Variants in ZNF566 observed in about 807,000 individuals in gnomAD.
ZNF566 encodes zinc finger protein 566.
Under a neutral mutation model 32.8 loss-of-function variants are expected in ZNF566, and 27 were observed. The ratio of observed to expected loss-of-function variants is 0.82; its 90% CI spans 0.61 to 1.14. The LOEUF (loss-of-function observed/expected upper bound fraction) is 1.14. Ranked by LOEUF, ZNF566 falls within the 50% of genes most tolerant of loss-of-function variation. ZNF566 has a pLI of 0.00. For missense variants in ZNF566, 402 were observed against 490.4 expected, an observed-to-expected ratio of 0.82 and a Z score of 1.70; for synonymous variants, 154 against 159.5, an observed-to-expected ratio of 0.97 and a Z score of 0.26.
In ZNF566 at chr19:36,482,073, A is replaced by G. The variant is rs919403465; in HGVS notation, c.-59-5457T>C. ...GAAACGAATGAAGTTGAATATATACAAGGAGTCTGTGGGAACTAAGTTAAT... is the reference window on the plus strand; with the variant it reads ...GAAACGAATGAAGTTGAATATATACGAGGAGTCTGTGGGAACTAAGTTAAT... On this transcript the variant is annotated intron_variant, in intron 1 of 4. Transcript: ENST00000452939. Among the ~76,000 whole-genome samples, 13 of 152,334 alleles carry G rather than the reference A, an allele frequency of 8.5e-5. No homozygotes were observed. The South Asian group carries it at 2.5e-3, about 29-fold the overall frequency.
chr19:36,486,585 TGCTTGA>T (rs1335799831), intron 1 of ZNF566, among the ~76,000 whole-genome samples: 2 of 148,092 alleles, frequency 1.4e-5, no homozygotes, highest in Non-Finnish European at 3.0e-5. Flanking sequence ...GCAGGAGGAT[TGCTTGA>T]ACCTGGGAGG....
chr19:36,451,865 G>C (rs1261607530), intron 4 of ZNF566, among the ~76,000 whole-genome samples: 1 of 152,096 alleles, frequency 6.6e-6, no homozygotes, highest in Non-Finnish European at 1.5e-5. Flanking sequence ...AATTAGCCGG[G>C]TGTGGTAGCA....
chr19:36,458,265 A>G (rs1383036421), intron 4 of ZNF566, among the ~76,000 whole-genome samples: 3 of 152,326 alleles, frequency 2.0e-5, no homozygotes, highest in African/African-American at 7.2e-5. Context: ...ACACATATAC[A>G]CACACATAAT....
intron 4 of ZNF566, among the ~76,000 whole-genome samples, chr19:36,453,528 A>T (rs1313419120): frequency 4.0e-5 from 6 of 150,658 alleles, no homozygotes; most frequent in Admixed American, 1.3e-4. Flanking sequence ...AAAATAAAAT[A>T]AAAATAAAAA....
intron 1 of ZNF566, among the ~76,000 whole-genome samples, chr19:36,478,511 T>A (rs1425468966): frequency 2.0e-5 from 3 of 152,046 alleles, no homozygotes; most frequent in African/African-American, 7.2e-5. Flanking sequence ...CCATGCTTGT[T>A]GCATTCTCAA....
intron 4 of ZNF566, among the ~76,000 whole-genome samples, chr19:36,452,987 G>A (rs1171677830): frequency 2.6e-5 from 4 of 151,812 alleles, no homozygotes; most frequent in South Asian, 2.1e-4. Flanking sequence ...GTATGGTGGC[G>A]TGTGCCTGTA....
intron 3 of ZNF566, 115 bp downstream of exon 3, chr19:36,473,217 G>A: frequency 7.5e-7 from 1 of 1,334,294 alleles, no homozygotes; most frequent in Non-Finnish European, 1.1e-6. Flanking sequence ...GAACATTCCT[G>A]TGGAACAGGA....
At chr19:36,481,492 A>G (rs1007460014) in intron 1 of ZNF566, among the ~76,000 whole-genome samples, 1 of 86,282 alleles carries the variant, frequency 1.2e-5, no homozygotes, top group Non-Finnish European at 2.5e-5. Context: ...AAAAAAAAAA[A>G]AAAGAAAAGA....
intron 4 of ZNF566, among the ~76,000 whole-genome samples, chr19:36,461,472 ACCT>A (rs1301644356): frequency 6.6e-6 from 1 of 152,062 alleles, no homozygotes; most frequent in African/African-American, 2.4e-5. Context: ...AGAGTTTGAG[ACCT>A]GGCCAACACG....
chr19:36,479,709 G>T (rs1035481336), intron 1 of ZNF566, among the ~76,000 whole-genome samples: 3 of 152,192 alleles, frequency 2.0e-5, no homozygotes, highest in African/African-American at 7.2e-5. Context: ...ATCAAAGCTC[G>T]CTGTAGCCTC....
intron 1 of ZNF566, among the ~76,000 whole-genome samples, chr19:36,477,680 A>G (rs1216079294): frequency 1.3e-5 from 2 of 151,852 alleles, no homozygotes; most frequent in East Asian, 3.9e-4. Context: ...CTGGGACTAC[A>G]GGCTCCCGCC....
chr19:36,473,038 A>G (rs2033804433), intron 3 of ZNF566, 32 bp from the exon 4 acceptor site: 1 of 1,567,738 alleles, frequency 6.4e-7, no homozygotes. Flanking sequence ...AAACAAATTT[A>G]TCATGAGCAT....
chr19:36,449,235 A>G lies in ZNF566; in HGVS notation c.999T>C (p.His333=). 1 of 1,613,960 alleles carries G rather than the reference A, an allele frequency of 6.2e-7. No homozygotes were observed. Among genetic ancestry groups the G allele is most frequent in the Non-Finnish European group, 8.5e-7 (1 of 1,179,986 alleles). ...TACATTCGTAAGGTTTCTCACCTGT[A>G]TGGATTCTTTGATGTTTAATAAGTT... ...SSQLIKHQRI[H]TGEKPYECKE... The change falls in exon 5 of 5, where the codon CAT becomes CAC. Residue 333 remains histidine, a synonymous_variant. Transcript: ENST00000452939.
chr19:36,470,494 C>G (rs755425322), intron 4 of ZNF566, among the ~76,000 whole-genome samples: 5 of 152,208 alleles, frequency 3.3e-5, no homozygotes, highest in Non-Finnish European at 7.3e-5. Context: ...CCACTGATAA[C>G]ATTTCAATGG....
rs2032965625 is a variant in ZNF566 at position 36,445,269 on chromosome 19, A to G, written c.*3708T>C. ...AGAAATAGATGTGAGCATTTAATAT[A>G]CAACTGATAGTATTTTAATTCAGTA... On this transcript the variant is annotated 3_prime_UTR_variant, in exon 5 of 5. Coordinates refer to ENST00000452939, the MANE Select transcript of ZNF566 (RefSeq NM_001145344.1). 6.6e-6 allele frequency: 1 copy of G among 152,202 alleles called. No individual in the cohort carries two copies. Among genetic ancestry groups the G allele is most frequent in the African/African-American group, 2.4e-5 (1 of 41,456 alleles). 9.4% of individuals were successfully genotyped at this position (152,202 alleles called of 1,614,324 possible).
rs558650815 is a variant in ZNF566 at position 36,464,441 on chromosome 19, G to A, written c.232+8470C>T. 3.9e-5 allele frequency among the ~76,000 whole-genome samples: 6 copies of A among 152,228 alleles called. No individual in the cohort carries two copies. In the South Asian group the frequency reaches 1.2e-3, roughly 32 times the overall value. On this transcript the variant is annotated intron_variant, in intron 4 of 4. Coordinates refer to ENST00000452939, the MANE Select transcript of ZNF566 (RefSeq NM_001145344.1). ...CAAAGTGCTGGGATTATAGGCATGAGCTACCACACCCAGCCAATTCGTTTT... is the reference window on the plus strand; with the variant it reads ...CAAAGTGCTGGGATTATAGGCATGAACTACCACACCCAGCCAATTCGTTTT...
rs77650002 is a variant in ZNF566, at chr19:36,486,023, C to T, written c.-60+3463G>A. 5.3e-3 allele frequency among the ~76,000 whole-genome samples: 802 copies of T among 152,272 alleles called. 23 individuals carry two copies. The highest frequency in any genetic ancestry group is 0.037 in the Admixed American group (569 of 15,292). On this transcript the variant is annotated intron_variant, in intron 1 of 4. Coordinates refer to ENST00000452939, the MANE Select transcript of ZNF566 (RefSeq NM_001145344.1). The stretch of plus-strand genomic sequence containing the variant: ...GAGCCAAGATTGTGCCATTACACTC[C>T]AGCCTGGGTGACAGAGACTCCGTCT...
chr19:36,451,505 G>A (rs1227365660), intron 4 of ZNF566, among the ~76,000 whole-genome samples: 1 of 152,138 alleles, frequency 6.6e-6, no homozygotes, highest in East Asian at 1.9e-4. Flanking sequence ...AGGGGAGAGA[G>A]TAAAATGGAA....
intron 1 of ZNF566, among the ~76,000 whole-genome samples, chr19:36,484,895 A>G (rs2034122139): frequency 6.6e-6 from 1 of 152,016 alleles, no homozygotes; most frequent in East Asian, 1.9e-4. Context: ...AGCCATTTTT[A>G]CATAGTTTCA....
Sources: allele counts gnomAD v4.1 joint callset (sites outside exome capture counted in the v4.1 genomes callset), GRCh38; gene constraint gnomAD v4.1.1; transcripts MANE v1.5; gene names NCBI Gene and HGNC (gene_info 2026-07-23, HGNC 2026-07-21).